Variants in ARHGAP12 observed in about 807,000 individuals in gnomAD.
The protein encoded by ARHGAP12 is Rho GTPase activating protein 12.
Under a neutral mutation model 108.6 loss-of-function variants are expected in ARHGAP12, and 64 were observed. That is an observed-to-expected ratio of 0.59 (90% CI 0.48 to 0.73). The LOEUF (loss-of-function observed/expected upper bound fraction) is 0.73, where lower values mean the gene tolerates loss of function less well. Among genes scored for constraint, ARHGAP12 ranks in the 30% least tolerant of loss-of-function variants. ARHGAP12 has a pLI of 0.00. For missense variants in ARHGAP12, 940 were observed against 1,005.9 expected (o/e 0.93, Z 0.89); for synonymous variants, 312 against 337.2 (o/e 0.93, Z 0.82).
At chr10:31,880,563 A>G (rs1837909614) in intron 3 of ARHGAP12, among the ~76,000 whole-genome samples, 1 of 152,170 alleles carries the variant, frequency 6.6e-6, no homozygotes, top group Non-Finnish European at 1.5e-5. Flanking sequence ...CTGTCTTGTT[A>G]TGGTCTCAGA....
intron 13 of ARHGAP12, 140 bp from the exon 14 acceptor site, chr10:31,814,501 T>C: frequency 1.5e-6 from 1 of 648,700 alleles, no homozygotes; most frequent in Admixed American, 2.8e-5. Flanking sequence ...TATGTATGAC[T>C]TAGATATTTG....
chr10:31,811,575 C>T (rs1303091668), intron 15 of ARHGAP12, among the ~76,000 whole-genome samples: 8 of 147,838 alleles, frequency 5.4e-5, no homozygotes, highest in Non-Finnish European at 1.2e-4. Context: ...TTTAAAGACT[C>T]TGAACTCATC....
chr10:31,881,497 CA>C, intron 3 of ARHGAP12, among the ~76,000 whole-genome samples: 1 of 152,286 alleles, frequency 6.6e-6, no homozygotes. Context: ...TAGAAGTCCA[CA>C]AAGTTTTGAA....
chr10:31,924,567 T>C (rs1839950814), intron 1 of ARHGAP12, among the ~76,000 whole-genome samples: 2 of 152,224 alleles, frequency 1.3e-5, no homozygotes, highest in African/African-American at 4.8e-5. Context: ...CCATAGATCA[T>C]TCTTTTTTAT....
intron 4 of ARHGAP12, among the ~76,000 whole-genome samples, chr10:31,858,905 A>G (rs75468282): frequency 0.079 from 12,002 of 152,248 alleles, 620 homozygotes; most frequent in Non-Finnish European, 0.11. Context: ...GACAAAGGAG[A>G]GTAGGGGAAA....
chr10:31,831,634 G>T, intron 10 of ARHGAP12, 105 bp downstream of exon 10: 1 of 660,920 alleles, frequency 1.5e-6, no homozygotes, highest in Non-Finnish European at 2.4e-6. Context: ...AACAAATGGT[G>T]AGAGATTCTT....
chr10:31,865,251 T>C (rs1837280063), intron 3 of ARHGAP12, among the ~76,000 whole-genome samples: 1 of 152,002 alleles, frequency 6.6e-6, no homozygotes, highest in South Asian at 2.1e-4. Context: ...GAGACGCAAC[T>C]AGGAGGTTGG....
intron 13 of ARHGAP12, among the ~76,000 whole-genome samples, chr10:31,815,938 T>C (rs1399681520): frequency 6.6e-6 from 1 of 152,010 alleles, no homozygotes; most frequent in Non-Finnish European, 1.5e-5. Context: ...TCACTTGAGG[T>C]GAGGAATTCG....
At chr10:31,913,673 A>C (rs1467249459) in intron 1 of ARHGAP12, 1 of 154,100 alleles carries the variant, frequency 6.5e-6, no homozygotes, top group African/African-American at 2.4e-5. Context: ...CTGAAAAAAA[A>C]AGCAAGAAAA....
In ARHGAP12 at chr10:31,846,899, ATTTTTTTT is replaced by A. The variant is rs377177944; in HGVS notation, c.1171-3321_1171-3314del. On this transcript the variant is annotated intron_variant, in intron 6 of 19. Coordinates refer to ENST00000344936, the MANE Select transcript of ARHGAP12 (RefSeq NM_018287.7). ...CCCACAGGTCTCTGAGGCACTGTTCATTTTTTTTTTTTTTTTTTTTTTTGGAAATCTAT... is the reference window on the plus strand; with the variant it reads ...CCCACAGGTCTCTGAGGCACTGTTCATTTTTTTTTTTTTTTGGAAATCTAT... Among the ~76,000 whole-genome samples the A allele has an allele frequency of 5.3e-4, 45 of 84,616 alleles. 1 individual carries two copies. The Admixed American group carries it at 5.3e-3, about 10-fold the overall frequency. 55.5% of individuals were successfully genotyped at this position (84,616 alleles called of 152,430 possible).
Position 31,865,182 on chromosome 10 carries a change from G to A in ARHGAP12, c.685-3524C>T, listed in dbSNP as rs544821128. The stretch of plus-strand genomic sequence containing the variant: ...ATCCAGAAGCATTTAGGAAACTACT[G>A]AAGATTAAGCCAGGAAGTGCATTCT... On this transcript the variant is annotated intron_variant, in intron 3 of 19. Transcript: ENST00000344936. 1.4e-3 allele frequency among the ~76,000 whole-genome samples: 217 copies of A among 152,264 alleles called. 1 individual carries two copies. The highest frequency in any genetic ancestry group is 2.6e-3 in the Non-Finnish European group (174 of 68,026).
chr10:31,849,026 C>G (rs1431018886), intron 6 of ARHGAP12, among the ~76,000 whole-genome samples: 1 of 151,820 alleles, frequency 6.6e-6, no homozygotes, highest in Non-Finnish European at 1.5e-5. Context: ...CCACTGCACT[C>G]CAGCCTGGGC....
chr10:31,805,706 C>G lies in ARHGAP12; in HGVS notation c.*1952G>C, dbSNP rs985072345. The G allele has an allele frequency of 6.7e-6, 1 of 148,930 alleles. No homozygotes were observed. Among genetic ancestry groups the G allele is most frequent in the African/African-American group, 2.6e-5 (1 of 39,154 alleles). The allele number at this position is 148,930 out of a possible 1,614,324, so 9.2% of individuals were successfully genotyped here. A position where few individuals can be genotyped will look rare whatever the true frequency, so the allele number is the denominator to read the frequency against. ...CACACGTACCTTGAAACAAGAAACA[C>G]AGGACAATTTTAATCTTTGATATAT... On this transcript the variant is annotated 3_prime_UTR_variant, in exon 20 of 20. Coordinates refer to ENST00000344936, the MANE Select transcript of ARHGAP12 (RefSeq NM_018287.7).
At chr10:31,868,622 G>A (rs1017487842) in intron 3 of ARHGAP12, among the ~76,000 whole-genome samples, 1 of 152,088 alleles carries the variant, frequency 6.6e-6, no homozygotes, top group African/African-American at 2.4e-5. Flanking sequence ...TGGTGATAGT[G>A]GCTGGGGGTT....
chr10:31,834,342 G>A (rs77403224), intron 9 of ARHGAP12, among the ~76,000 whole-genome samples: 2 of 152,168 alleles, frequency 1.3e-5, no homozygotes, highest in African/African-American at 4.8e-5. Context: ...TCATGAAGGT[G>A]AAGCCCACAT....
Position 31,854,134 on chromosome 10 carries a change from T to C in ARHGAP12, c.1021A>G (p.Arg341Gly). 2.5e-6 allele frequency: 4 copies of C among 1,613,976 alleles called. No individual in the cohort carries two copies. Among genetic ancestry groups the C allele is most frequent in the Non-Finnish European group, 3.4e-6 (4 of 1,179,920 alleles). ...QSDSQCGSPP[R>G]GWSEELDERG... ...TCATCCAACTCTTCTGACCAACCCC[T>C]TGGAGGAGAACCACACTGACTATCT... Residue 341 changes from arginine to glycine, a missense_variant, in exon 5 of 20, where the codon AGG becomes GGG. By Grantham distance (125) the Arg-to-Gly change is moderately radical (BLOSUM62 -2). Transcript: ENST00000344936.
intron 1 of ARHGAP12, among the ~76,000 whole-genome samples, chr10:31,924,415 T>C (rs1839945312): frequency 6.6e-6 from 1 of 152,168 alleles, no homozygotes; most frequent in African/African-American, 2.4e-5. Context: ...ATATAAAGCA[T>C]GATAGATGGT....
intron 3 of ARHGAP12, among the ~76,000 whole-genome samples, chr10:31,881,240 T>C (rs1436638737): frequency 6.6e-6 from 1 of 151,458 alleles, no homozygotes; most frequent in Admixed American, 6.6e-5. Flanking sequence ...AAATATAATA[T>C]ACATGTAATG....
intron 19 of ARHGAP12, 139 bp downstream of exon 19, chr10:31,808,510 T>G (rs970771782): frequency 7.4e-6 from 5 of 674,064 alleles, no homozygotes; most frequent in South Asian, 1.8e-5. Context: ...CTAAAAGGAG[T>G]TGAGTAACTT....
Sources: gnomAD v4.1 joint callset for allele counts (sites outside exome capture counted in the v4.1 genomes callset) on GRCh38, gnomAD v4.1.1 for gene constraint, MANE v1.5 for transcripts, NCBI Gene and HGNC (gene_info 2026-07-23, HGNC 2026-07-21) for gene names.